The following MALAT1 variants were observed in gnomAD, a reference collection of about 807,000 sequenced individuals.
MALAT1 encodes the protein metastasis associated lung adenocarcinoma transcript 1, also known as hepcarcin.
At chr11:65,506,353 G>A (rs749615525) in exon 4 of MALAT1, 2 of 458,958 alleles carry the variant, frequency 4.4e-6, no homozygotes, top group Non-Finnish European at 8.5e-6. Flanking sequence ...ATATTTACAC[G>A]AGAACCTAAT....
At chr11:65,499,851 A>T in exon 3 of MALAT1, 3 of 422,106 alleles carry the variant, frequency 7.1e-6, no homozygotes, top group Non-Finnish European at 1.4e-5. Flanking sequence ...GAAAATTGGA[A>T]GATAGAAACA....
chr11:65,504,855 A>G (rs1854644270), intron 3 of MALAT1: 1 of 518,900 alleles, frequency 1.9e-6, no homozygotes, highest in Admixed American at 1.9e-5. Flanking sequence ...GAAGGGCCAG[A>G]GAAGCCAGAC....
In MALAT1 at chr11:65,506,289, C is replaced by T. The variant is rs370223485; in HGVS notation, n.5198C>T. On this transcript the variant is annotated non_coding_transcript_exon_variant, in exon 4 of 4. Transcript: ENST00000619449. ...GAGGTAACAGCACAATATCTTTGAA[C>T]TATATACATCCTTGATGTATAATTT... is the stretch of plus-strand genomic sequence containing the variant. 4.7e-3 allele frequency: 2,147 copies of T among 455,744 alleles called. 67 individuals carry two copies. Among genetic ancestry groups the T allele is most frequent in the South Asian group, 0.034 (2,086 of 60,838 alleles). The allele number at this position is 455,744 out of a possible 1,614,324, so 28.2% of individuals were successfully genotyped here.
chr11:65,502,377 A>G, exon 3 of MALAT1: 1 of 510,336 alleles, frequency 2.0e-6, no homozygotes, highest in Non-Finnish European at 3.9e-6. Flanking sequence ...TTCTGATGGT[A>G]GCTTTTGTAT....
chr11:65,498,438 C>T (rs752257682), intron 1 of MALAT1: 9 of 518,478 alleles, frequency 1.7e-5, no homozygotes, highest in Non-Finnish European at 3.5e-5. Flanking sequence ...GGGATTGAGG[C>T]GTTTTCCAAG....
chr11:65,499,320 T>A (rs747140887), exon 3 of MALAT1: 1 of 506,784 alleles, frequency 2.0e-6, no homozygotes, highest in Non-Finnish European at 3.9e-6. Flanking sequence ...AGATGAAGCT[T>A]CTTCATGGAG....
intron 1 of MALAT1, chr11:65,497,906 G>A (rs773632875): frequency 2.7e-5 from 14 of 518,578 alleles, no homozygotes; most frequent in Non-Finnish European, 5.0e-5. Context: ...AGGTTTCCCA[G>A]AGTCCTTGGG....
At chr11:65,504,457 TC>T (rs1230960047) in intron 3 of MALAT1, 1 of 518,802 alleles carries the variant, frequency 1.9e-6, no homozygotes, top group African/African-American at 1.9e-5. Flanking sequence ...AAAGTTGTGT[TC>T]CCCAATGCTT....
At chr11:65,503,040 C>T (rs767241666) in exon 3 of MALAT1, 3 of 506,576 alleles carry the variant, frequency 5.9e-6, no homozygotes, top group Admixed American at 2.0e-5. Flanking sequence ...TAAAAGAAGC[C>T]GAAATAAATG....
chr11:65,499,959 G>T (rs541372632), exon 3 of MALAT1: 125 of 429,214 alleles, frequency 2.9e-4, no homozygotes, highest in Non-Finnish European at 2.4e-4. Flanking sequence ...AAAATATAAA[G>T]CCAAAAATTG....
At chr11:65,498,927 C>T (rs754027826) in intron 2 of MALAT1, 3 of 518,714 alleles carry the variant, frequency 5.8e-6, no homozygotes, top group African/African-American at 5.8e-5. Context: ...AAACTAGAAC[C>T]TATTTTTAAC....
exon 3 of MALAT1, chr11:65,501,920 T>G (rs1035168626): frequency 3.9e-6 from 2 of 517,648 alleles, no homozygotes; most frequent in Non-Finnish European, 7.7e-6. Context: ...GGTAATTGTT[T>G]AGTTTATGAT....
At chr11:65,501,425 G>A (rs752428713) in exon 3 of MALAT1, 1 of 516,928 alleles carries the variant, frequency 1.9e-6, no homozygotes, top group Non-Finnish European at 3.9e-6. Flanking sequence ...GATGTCCATT[G>A]GAGAAATGGC....
At chr11:65,502,666 T>C (rs748753032) in exon 3 of MALAT1, 2 of 489,102 alleles carry the variant, frequency 4.1e-6, no homozygotes, top group Admixed American at 2.4e-5. Flanking sequence ...TTCTGAGTCA[T>C]AACCAGCCTG....
At chr11:65,499,392 T>C (rs1854485385) in exon 3 of MALAT1, 1 of 488,758 alleles carries the variant, frequency 2.0e-6, no homozygotes, top group African/African-American at 2.0e-5. Context: ...TTAATACCAA[T>C]AGAAGGGCAA....
exon 3 of MALAT1, chr11:65,502,907 A>G (rs1319304485): frequency 2.0e-6 from 1 of 492,276 alleles, no homozygotes; most frequent in South Asian, 1.5e-5. Flanking sequence ...AGCTATAACC[A>G]CAAAAATAAT....
chr11:65,500,440 A>G (rs745495790), exon 3 of MALAT1: 3 of 518,914 alleles, frequency 5.8e-6, no homozygotes, highest in East Asian at 5.4e-5. Flanking sequence ...GGAAGACAGC[A>G]GCAGACAGGA....
exon 3 of MALAT1, chr11:65,501,712 TG>T (rs753365730): frequency 6.2e-5 from 32 of 519,050 alleles, no homozygotes; most frequent in African/African-American, 6.0e-4. Context: ...CAGTTGAAGC[TG>T]AAAAGTACAG....
exon 3 of MALAT1, chr11:65,501,980 A>G (rs1157806455): frequency 7.8e-6 from 4 of 513,026 alleles, no homozygotes; most frequent in African/African-American, 3.9e-5. Context: ...TGGAAAAAGT[A>G]AAGAAATATC....
Sources: gnomAD v4.1 joint callset for allele counts on GRCh38, gnomAD v4.1.1 for gene constraint, MANE v1.5 for transcripts, NCBI Gene and HGNC (gene_info 2026-07-23, HGNC 2026-07-21) for gene names.